The following RBM19 variants were observed in gnomAD, a reference collection of about 807,000 sequenced individuals.
The protein encoded by RBM19 is RNA binding motif protein 19, also known as probable RNA-binding protein 19.
RBM19 carries 94 observed loss-of-function variants against 116.8 expected under a neutral mutation model. The ratio of observed to expected loss-of-function variants is 0.80; its 90% confidence interval spans 0.68 to 0.95. RBM19 has a LOEUF of 0.95. RBM19 is among the 40% of genes least tolerant of loss of function. RBM19 has a pLI of 0.00. For synonymous variants in RBM19, 475 were observed against 494.1 expected (o/e 0.96, Z 0.51); for missense variants, 1,161 against 1,220.7 (o/e 0.95, Z 0.73).
intron 1 of RBM19, among the ~76,000 whole-genome samples, chr12:113,964,971 A>T (rs1167507155): frequency 6.6e-6 from 1 of 152,048 alleles, no homozygotes; most frequent in Non-Finnish European, 1.5e-5. Flanking sequence ...AAAACTCACA[A>T]CATTAGAACA....
chr12:113,944,093 GTTTTTTTTTTTTT>G (rs71433305), intron 13 of RBM19, among the ~76,000 whole-genome samples: 3 of 67,662 alleles, frequency 4.4e-5, no homozygotes, highest in Admixed American at 1.9e-4. Flanking sequence ...CCAGATGCAT[GTTTTTTTTTTTTT>G]TTTTTTTTTT....
intron 7 of RBM19, among the ~76,000 whole-genome samples, chr12:113,954,796 G>T (rs1166431764): frequency 6.6e-6 from 1 of 152,184 alleles, no homozygotes; most frequent in Non-Finnish European, 1.5e-5. Context: ...TAAGAGCAGG[G>T]TGAGTAGTCA....
intron 19 of RBM19, among the ~76,000 whole-genome samples, chr12:113,920,058 C>A (rs555137766): frequency 1.3e-5 from 2 of 152,194 alleles, no homozygotes; most frequent in Non-Finnish European, 2.9e-5. Context: ...GCTTTTCAAA[C>A]GTACTAAGCT....
chr12:113,962,326 C>G lies in RBM19; in HGVS notation c.125G>C (p.Arg42Pro), dbSNP rs148346423. The change falls in exon 2 of 24, where the codon CGC becomes CCC. Residue 42 changes from arginine to proline, a missense_variant. Physicochemically the swap from Arg to Pro is moderately radical, Grantham distance 103. Coordinates refer to ENST00000261741, the MANE Select transcript of RBM19 (RefSeq NM_016196.4). ...CTTGAAGCCAATAAAACCAAACTTG[C>G]GGAACTTGCCATCTTTGGTGAACTT... ...SLKFTKDGKF[R>P]KFGFIGFKSE... 3.1e-6 allele frequency: 5 copies of G among 1,614,230 alleles called. No individual in the cohort carries two copies. Among genetic ancestry groups the G allele is most frequent in the Non-Finnish European group, 4.2e-6 (5 of 1,180,036 alleles).
intron 22 of RBM19, among the ~76,000 whole-genome samples, chr12:113,854,870 A>T (rs1593487442): frequency 1.3e-5 from 2 of 152,160 alleles, no homozygotes; most frequent in African/African-American, 4.8e-5. Flanking sequence ...CCGATGCTGG[A>T]GCTGCCACAG....
intron 8 of RBM19, among the ~76,000 whole-genome samples, chr12:113,950,794 A>C (rs886672934): frequency 3.9e-5 from 6 of 152,128 alleles, no homozygotes; most frequent in Non-Finnish European, 5.9e-5. Flanking sequence ...GCCTTTAATC[A>C]CAAGGCTGTT....
At chr12:113,875,541 A>T (rs1201115876) in intron 21 of RBM19, among the ~76,000 whole-genome samples, 1 of 152,186 alleles carries the variant, frequency 6.6e-6, no homozygotes, top group Non-Finnish European at 1.5e-5. Flanking sequence ...GAGTCAGAGC[A>T]CGCAAATGTG....
intron 21 of RBM19, among the ~76,000 whole-genome samples, chr12:113,860,987 G>T (rs1256664744): frequency 2.0e-5 from 3 of 152,214 alleles, no homozygotes; most frequent in Non-Finnish European, 2.9e-5. Context: ...TGATGAGGGT[G>T]AAATGAAATA....
chr12:113,963,280 C>T (rs1872646388), intron 1 of RBM19, among the ~76,000 whole-genome samples: 1 of 152,186 alleles, frequency 6.6e-6, no homozygotes, highest in Non-Finnish European at 1.5e-5. Context: ...GGTCAAGAAG[C>T]CCCACACTAT....
At chr12:113,942,098 G>C (rs1870623755) in intron 14 of RBM19, among the ~76,000 whole-genome samples, 1 of 152,192 alleles carries the variant, frequency 6.6e-6, no homozygotes, top group Non-Finnish European at 1.5e-5. Context: ...GAACTGTGGG[G>C]TTGTAGGCAG....
chr12:113,950,578 C>CA (rs552259165), intron 8 of RBM19, among the ~76,000 whole-genome samples: 33 of 152,182 alleles, frequency 2.2e-4, no homozygotes, highest in South Asian at 1.0e-3. Flanking sequence ...TTGACTTGCA[C>CA]AAAAAAACAA....
intron 14 of RBM19, 40 bp from the exon 15 acceptor site, chr12:113,940,200 G>T (rs773253024): frequency 1.3e-6 from 2 of 1,581,798 alleles, no homozygotes; most frequent in Admixed American, 3.4e-5. Context: ...CCACAGGAGG[G>T]AGGAGGGTCC....
At chr12:113,918,951 G>C (rs1882946198) in intron 19 of RBM19, among the ~76,000 whole-genome samples, 1 of 152,042 alleles carries the variant, frequency 6.6e-6, no homozygotes, top group Admixed American at 6.5e-5. Context: ...AGCTTCGTAG[G>C]AACAATTCTT....
intron 21 of RBM19, among the ~76,000 whole-genome samples, chr12:113,902,325 T>G (rs577468333): frequency 6.6e-6 from 1 of 152,208 alleles, no homozygotes; most frequent in Non-Finnish European, 1.5e-5. Context: ...TATAGAGCTG[T>G]GTGTGGTGGC....
chr12:113,857,851 A>G (rs1228147977), intron 22 of RBM19, among the ~76,000 whole-genome samples: 1 of 152,228 alleles, frequency 6.6e-6, no homozygotes, highest in Non-Finnish European at 1.5e-5. Context: ...AGCCTGCTAA[A>G]GCCCAATGGC....
chr12:113,909,434 C>T lies in RBM19; in HGVS notation c.2558+5535G>A, dbSNP rs111616270. On this transcript the variant is annotated intron_variant, in intron 21 of 23. Coordinates refer to ENST00000261741, the MANE Select transcript of RBM19 (RefSeq NM_016196.4). Reference sequence around the variant, plus strand: ...GCTACCCTGGTGATGGCCATGCGGGCGATTTTCTCTCAGGGGCCAAGCTCA... The same window carrying T: ...GCTACCCTGGTGATGGCCATGCGGGTGATTTTCTCTCAGGGGCCAAGCTCA... Among the ~76,000 whole-genome samples the T allele has an allele frequency of 9.0e-3, 1,366 of 152,226 alleles. 19 individuals are homozygous for T. Among genetic ancestry groups the T allele is most frequent in the South Asian group, 0.054 (259 of 4,800 alleles).
intron 22 of RBM19, among the ~76,000 whole-genome samples, chr12:113,847,810 C>A (rs1877122131): frequency 6.6e-6 from 1 of 152,172 alleles, no homozygotes. Flanking sequence ...CACAGAAAGC[C>A]CAGGAGATCT....
rs116465052 is a variant in RBM19 at position 113,827,986 on chromosome 12, A to G, written c.2786-4665T>C. Among the ~76,000 whole-genome samples, 632 of 151,516 alleles carry G rather than the reference A, an allele frequency of 4.2e-3. 2 individuals carry two copies. Among genetic ancestry groups the G allele is most frequent in the African/African-American group, 0.014 (582 of 41,332 alleles). ...GCCTAGCACACGGCAAGCTGTCAAT[A>G]TAGGTTGGTCATTCTTACTGCTGTT... On this transcript the variant is annotated intron_variant, in intron 23 of 23. Transcript: ENST00000261741.
intron 23 of RBM19, among the ~76,000 whole-genome samples, chr12:113,838,753 T>C (rs1398703860): frequency 1.3e-5 from 2 of 152,176 alleles, no homozygotes; most frequent in African/African-American, 2.4e-5. Flanking sequence ...AAATTGAATG[T>C]TCTACTATGA....
Sources: gnomAD v4.1 joint callset for allele counts (sites outside exome capture counted in the v4.1 genomes callset) on GRCh38, gnomAD v4.1.1 for gene constraint, MANE v1.5 for transcripts, NCBI Gene and HGNC (gene_info 2026-07-23, HGNC 2026-07-21) for gene names.